The following DAB1 variants were observed in gnomAD, a reference collection of about 807,000 sequenced individuals.
DAB1 encodes DAB adaptor protein 1, also known as disabled homolog 1.
A neutral mutation model predicts 64.6 loss-of-function variants in DAB1; 15 were observed. The ratio of observed to expected loss-of-function variants is 0.23; its 90% CI spans 0.16 to 0.36. The LOEUF (loss-of-function observed/expected upper bound fraction) is 0.36, where lower values mean the gene tolerates loss of function less well. DAB1 is among the 10% of genes least tolerant of loss of function. DAB1 has a pLI of 1.00. For missense variants in DAB1, 596 were observed against 706.7 expected, an observed-to-expected ratio of 0.84 and a Z score of 1.78; for synonymous variants, 235 against 251.9, an observed-to-expected ratio of 0.93 and a Z score of 0.64.
intron 1 of DAB1, among the ~76,000 whole-genome samples, chr1:57,408,854 G>A (rs1683870779): frequency 6.6e-6 from 1 of 152,166 alleles, no homozygotes; most frequent in Non-Finnish European, 1.5e-5. Context: ...TCCATGGAGT[G>A]TTGCAGAAAG....
chr1:57,758,008 G>A (rs573321349), intron 6 of DAB1, among the ~76,000 whole-genome samples: 1 of 152,188 alleles, frequency 6.6e-6, no homozygotes, highest in East Asian at 1.9e-4. Context: ...GTAGAGATGG[G>A]GTCTTTCAGT....
intron 7 of DAB1, among the ~76,000 whole-genome samples, chr1:57,647,586 T>C (rs1199056160): frequency 6.6e-6 from 1 of 152,216 alleles, no homozygotes; most frequent in African/African-American, 2.4e-5. Flanking sequence ...GCCAAGCCCC[T>C]TAACCTTAAC....
At chr1:57,790,172 A>C (rs1376544937) in intron 6 of DAB1, among the ~76,000 whole-genome samples, 1 of 152,110 alleles carries the variant, frequency 6.6e-6, no homozygotes, top group Non-Finnish European at 1.5e-5. Context: ...CTCATCTTGA[A>C]TTGTAGTTCC....
At chr1:57,609,336 G>A (rs886820783) in intron 7 of DAB1, among the ~76,000 whole-genome samples, 9 of 152,248 alleles carry the variant, frequency 5.9e-5, no homozygotes, top group African/African-American at 1.4e-4. Context: ...ACAACTATTC[G>A]TGTAGCGTTG....
intron 13 of DAB1, 32 bp downstream of exon 13, chr1:57,011,110 GAAA>G (rs772023574): frequency 6.8e-6 from 11 of 1,613,068 alleles, no homozygotes; most frequent in Non-Finnish European, 9.3e-6. Flanking sequence ...TAATTTTAAG[GAAA>G]AACACAAACA....
At chr1:57,596,326 C>T (rs796636683) in intron 7 of DAB1, among the ~76,000 whole-genome samples, 11 of 152,316 alleles carry the variant, frequency 7.2e-5, no homozygotes, top group African/African-American at 2.4e-4. Context: ...TGTCACTTCC[C>T]TGGGGAAGAT....
chr1:57,015,404 G>A lies in DAB1; in HGVS notation c.923C>T (p.Pro308Leu). The stretch of plus-strand genomic sequence containing the variant: ...GAGGGGCTGCTGACCCCAGAAGGAC[G>A]GGAGGACAGCGCCCATTGCAACGTA... ...SGYVAMGAVL[P>L]SFWGQQPLVQ... Residue 308 changes from proline (P) to leucine (L), a missense_variant, in exon 12 of 15, where the codon CCG (proline) becomes CTG (leucine). Physicochemically the swap from Pro to Leu is moderately conservative, Grantham distance 98. This residue lies in a region of DAB1 where 377 missense variants were observed against 400.4 expected (regional missense o/e 0.94). Transcript: ENST00000371236. The A allele has an allele frequency of 1.2e-6, 2 of 1,613,268 alleles. No homozygotes were observed. The highest frequency in any genetic ancestry group is 1.7e-6 in the Non-Finnish European group (2 of 1,179,684).
chr1:57,858,922 G>A (rs892036459), intron 1 of DAB1, among the ~76,000 whole-genome samples: 5 of 151,872 alleles, frequency 3.3e-5, no homozygotes, highest in Admixed American at 6.6e-5. Context: ...CAAGAGCTGC[G>A]ATTCCAAGTA....
intron 2 of DAB1, among the ~76,000 whole-genome samples, chr1:57,273,537 GCCTGCCTGCCTGCCTGCCTT>G (rs1469768111): frequency 3.3e-5 from 2 of 60,156 alleles, no homozygotes; most frequent in African/African-American, 1.4e-4. Context: ...CTGCCTGCCT[GCCTGCCTGCCTGCCTGCCTT>G]CCTTCCTTCC....
chr1:57,245,527 T>C (rs1449407211), intron 2 of DAB1, among the ~76,000 whole-genome samples: 7 of 152,124 alleles, frequency 4.6e-5, no homozygotes, highest in Non-Finnish European at 7.3e-5. Context: ...TGAGAACTTG[T>C]GGTGTTTGGT....
At chr1:58,094,392 T>C (rs1650862590) in intron 5 of DAB1, among the ~76,000 whole-genome samples, 2 of 152,220 alleles carry the variant, frequency 1.3e-5, no homozygotes, top group Admixed American at 1.3e-4. Flanking sequence ...GTTTGTAAGA[T>C]TTCTCTGTGA....
At chr1:58,500,159 C>T (rs1473822720) in intron 3 of DAB1, among the ~76,000 whole-genome samples, 7 of 152,130 alleles carry the variant, frequency 4.6e-5, no homozygotes, top group Non-Finnish European at 1.0e-4. Flanking sequence ...ATTTCAGCCT[C>T]AAGTAGATAC....
intron 3 of DAB1, among the ~76,000 whole-genome samples, chr1:58,374,149 A>C (rs2100539177): frequency 9.2e-6 from 1 of 108,878 alleles, no homozygotes; most frequent in African/African-American, 3.3e-5. Context: ...CTCTGATGGT[A>C]GTTTCTTTTG....
intron 3 of DAB1, among the ~76,000 whole-genome samples, chr1:58,491,680 A>G (rs1645694057): frequency 6.6e-6 from 1 of 152,218 alleles, no homozygotes; most frequent in Non-Finnish European, 1.5e-5. Context: ...GCCACTACAT[A>G]ATGGTAAAGG....
intron 7 of DAB1, among the ~76,000 whole-genome samples, chr1:57,596,560 G>A (rs1645512640): frequency 6.6e-6 from 1 of 152,012 alleles, no homozygotes; most frequent in Non-Finnish European, 1.5e-5. Context: ...TGGGGCTAGA[G>A]CAGTGTAGGA....
intron 4 of DAB1, among the ~76,000 whole-genome samples, chr1:58,312,401 AAG>A (rs1416284573): frequency 2.6e-5 from 4 of 152,196 alleles, no homozygotes; most frequent in Non-Finnish European, 4.4e-5. Context: ...GGCAATGAAA[AAG>A]ACATGCACTG....
At chr1:57,607,585 T>C (rs933658545) in intron 7 of DAB1, among the ~76,000 whole-genome samples, 2 of 152,218 alleles carry the variant, frequency 1.3e-5, no homozygotes, top group African/African-American at 4.8e-5. Context: ...ATCTCTCGCC[T>C]GACCATTGCA....
At chr1:57,883,771 C>G (rs1644181449) in intron 1 of DAB1, among the ~76,000 whole-genome samples, 1 of 152,218 alleles carries the variant, frequency 6.6e-6, no homozygotes, top group South Asian at 2.1e-4. Flanking sequence ...GGGACAAAGG[C>G]ATGCGCCTTT....
At chr1:57,940,222 T>A (rs964330144) in intron 5 of DAB1, among the ~76,000 whole-genome samples, 16 of 152,162 alleles carry the variant, frequency 1.1e-4, no homozygotes, top group South Asian at 1.0e-3. Context: ...TCAACACATT[T>A]CAGGAAATTG....
Sources: gnomAD v4.1 joint callset for allele counts (sites outside exome capture counted in the v4.1 genomes callset) on GRCh38, gnomAD v4.1.1 for gene constraint, gnomAD v4.1.1 regional missense constraint, MANE v1.5 for transcripts, NCBI Gene and HGNC (gene_info 2026-07-23, HGNC 2026-07-21) for gene names.